The following SLC43A1 variants were observed in gnomAD, a reference collection of about 807,000 sequenced individuals.
The protein encoded by SLC43A1 is solute carrier family 43 member 1, also known as large neutral amino acids transporter small subunit 3.
SLC43A1 carries 31 observed loss-of-function variants against 59.5 expected under a neutral mutation model. That is an observed-to-expected ratio of 0.52 (90% CI 0.39 to 0.70). The LOEUF is 0.70. Ranked by LOEUF, SLC43A1 falls within the 30% of genes least tolerant of loss-of-function variation. The probability of loss-of-function intolerance (pLI) is 0.00; values close to 1 mark genes in which losing one functional copy is unlikely to be tolerated. For missense variants in SLC43A1, 598 were observed against 717.8 expected, an observed-to-expected ratio of 0.83 and a Z score of 1.91; for synonymous variants, 259 against 290.9, an observed-to-expected ratio of 0.89 and a Z score of 1.12.
chr11:57,502,516 C>T (rs980203503), intron 2 of SLC43A1, among the ~76,000 whole-genome samples: 2 of 152,134 alleles, frequency 1.3e-5, no homozygotes, highest in African/African-American at 2.4e-5. Flanking sequence ...ACTCTAGGAG[C>T]TGGGCATCCA....
chr11:57,487,025 A>G (rs1943751848), intron 14 of SLC43A1, 70 bp downstream of exon 14: 1 of 1,532,116 alleles, frequency 6.5e-7, no homozygotes, highest in Non-Finnish European at 9.0e-7. Flanking sequence ...GGATGGCACC[A>G]CATACAAGGC....
Position 57,513,950 on chromosome 11 carries a change from A to G in SLC43A1, c.154+8T>C. ...CCCCCAGCCCACCCAGCCCATTTTC[A>G]GGCATACCTGGGCACGTGCTGGAAT... is the stretch of plus-strand genomic sequence containing the variant. On this transcript the variant is annotated splice_region_variant and intron_variant, in intron 2 of 14. Coordinates refer to ENST00000278426, the MANE Select transcript of SLC43A1 (RefSeq NM_003627.6). 8 of 1,498,672 alleles carry G rather than the reference A, an allele frequency of 5.3e-6. No individual in the cohort carries two copies. Among genetic ancestry groups the G allele is most frequent in the African/African-American group, 1.5e-5 (1 of 67,522 alleles). The allele number at this position is 1,498,672 out of a possible 1,614,324, so 92.8% of individuals were successfully genotyped here.
Position 57,512,105 on chromosome 11 carries a change from A to G in SLC43A1, c.154+1853T>C, listed in dbSNP as rs555190061. Among the ~76,000 whole-genome samples the G allele has an allele frequency of 4.6e-5, 7 of 152,316 alleles. No individual in the cohort carries two copies. The East Asian group carries it at 7.7e-4, about 17-fold the overall frequency. ...AATAAAGCTGTTTTACATATTTTAC[A>G]TATTTAAAAATGCAGGTGGAGGGAT... On this transcript the variant is annotated intron_variant, in intron 2 of 14. Transcript: ENST00000278426.
chr11:57,508,123 C>T (rs1319620292), intron 2 of SLC43A1, among the ~76,000 whole-genome samples: 12 of 152,014 alleles, frequency 7.9e-5, no homozygotes, highest in East Asian at 1.9e-4. Context: ...ACAAATTAGC[C>T]GGGCATGGTG....
chr11:57,514,253 C>G lies in SLC43A1; in HGVS notation c.-13-129G>C. The stretch of plus-strand genomic sequence containing the variant: ...CCCCTCATGGAGGCCCCATAGAGCC[C>G]TGGGCTTCCCAGCCGGTGCCAAGGA... On this transcript the variant is annotated intron_variant, in intron 1 of 14. Transcript: ENST00000278426. This position sits in a 1 kb window ranked among gnomAD's most constrained non-coding sequence, Gnocchi z 5.5. 8.7e-7 allele frequency: 1 copy of G among 1,143,758 alleles called. No individual in the cohort carries two copies. Among genetic ancestry groups the G allele is most frequent in the Non-Finnish European group, 1.2e-6 (1 of 834,870 alleles). The allele number at this position is 1,143,758 out of a possible 1,614,324, so 70.9% of individuals were successfully genotyped here.
At chr11:57,508,566 G>A (rs1944448967) in intron 2 of SLC43A1, among the ~76,000 whole-genome samples, 1 of 152,188 alleles carries the variant, frequency 6.6e-6, no homozygotes, top group East Asian at 1.9e-4. Context: ...TCCCTTGAAG[G>A]GAAGAGAGGT....
In SLC43A1 at chr11:57,491,755, T is replaced by C. The variant is rs376891589; in HGVS notation, c.979A>G (p.Lys327Glu). The C allele has an allele frequency of 6.2e-7, 1 of 1,614,096 alleles. No homozygotes were observed. The highest frequency in any genetic ancestry group is 1.3e-5 in the African/African-American group (1 of 74,934). Residue 327 changes from lysine (K) to glutamate (E), a missense_variant, in exon 9 of 15, where the codon AAG becomes GAG. Coordinates refer to ENST00000278426, the MANE Select transcript of SLC43A1 (RefSeq NM_003627.6). ...CCAGTCACAAGGTACTCCAGCATCTTGTTCACAGCAGCCATGTAGAAGATG... is the reference window on the plus strand; with the variant it reads ...CCAGTCACAAGGTACTCCAGCATCTCGTTCACAGCAGCCATGTAGAAGATG... Reference protein sequence around the residue: ...RIIFYMAAVNKMLEYLVTGGQ... With the variant: ...RIIFYMAAVNEMLEYLVTGGQ...
intron 5 of SLC43A1, chr11:57,499,770 G>A (rs1167831958): frequency 6.6e-6 from 1 of 152,484 alleles, no homozygotes; most frequent in Non-Finnish European, 1.5e-5. Flanking sequence ...ATTACAGGAG[G>A]CGGGGACATA....
At chr11:57,509,594 AAAGGAAGG>A (rs1218558916) in intron 2 of SLC43A1, among the ~76,000 whole-genome samples, 25,420 of 78,388 alleles carry the variant, frequency 0.32, 4,717 homozygotes, top group Non-Finnish European at 0.4. Context: ...TCAGAAGGAC[AAAGGAAGG>A]AAGGAAGGAA....
At chr11:57,487,295 A>G in intron 13 of SLC43A1, 77 bp from the exon 14 acceptor site, 2 of 1,544,054 alleles carry the variant, frequency 1.3e-6, no homozygotes, top group Non-Finnish European at 1.8e-6. Flanking sequence ...TCCCCTCCCC[A>G]CCATGGTCCC....
Position 57,497,749 on chromosome 11 carries a change from A to C in SLC43A1, c.558+4T>G, listed in dbSNP as rs562167576. The C allele has an allele frequency of 1.2e-6, 2 of 1,612,220 alleles. No homozygotes were observed. Among genetic ancestry groups the C allele is most frequent in the South Asian group, 2.2e-5 (2 of 91,000 alleles). ...ACAAAAAGAAAACCCAGGTGGCCTC[A>C]TACCTTGATTCCTGGGAACGTAATG... On this transcript the variant is annotated splice_donor_region_variant and intron_variant, in intron 6 of 14. Coordinates refer to ENST00000278426, the MANE Select transcript of SLC43A1 (RefSeq NM_003627.6).
At chr11:57,487,928 C>A (rs1430317122) in intron 13 of SLC43A1, among the ~76,000 whole-genome samples, 2 of 152,140 alleles carry the variant, frequency 1.3e-5, no homozygotes, top group Admixed American at 6.6e-5. Flanking sequence ...CACTAGGAAG[C>A]ACTGTGGCTG....
chr11:57,500,859 G>T lies in SLC43A1; in HGVS notation c.389-4C>A. On this transcript the variant is annotated splice_polypyrimidine_tract_variant and splice_region_variant and intron_variant, in intron 4 of 14. Coordinates refer to ENST00000278426, the MANE Select transcript of SLC43A1 (RefSeq NM_003627.6). ...AGGAATATCAACGGAGACAGAGCTGGAAAGGGGAAAGCAGCAGATGAGGGC... is the reference window on the plus strand; with the variant it reads ...AGGAATATCAACGGAGACAGAGCTGTAAAGGGGAAAGCAGCAGATGAGGGC... 6.2e-7 allele frequency: 1 copy of T among 1,614,168 alleles called. No homozygotes were observed. Among genetic ancestry groups the T allele is most frequent in the Non-Finnish European group, 8.5e-7 (1 of 1,179,994 alleles).
intron 14 of SLC43A1, among the ~76,000 whole-genome samples, chr11:57,486,075 G>A (rs1490632829): frequency 1.3e-5 from 2 of 152,240 alleles, no homozygotes; most frequent in Non-Finnish European, 2.9e-5. Context: ...TCCCCTTTCA[G>A]GGGTGCTGGA....
chr11:57,490,075 T>G (rs1943855810), intron 11 of SLC43A1, among the ~76,000 whole-genome samples: 1 of 152,164 alleles, frequency 6.6e-6, no homozygotes, highest in African/African-American at 2.4e-5. Context: ...GCCACTGGAT[T>G]TCCTTCTCTC....
chr11:57,502,884 AAAAAGAAAAGAAAAG>A (rs988071111), intron 2 of SLC43A1, among the ~76,000 whole-genome samples: 1 of 151,764 alleles, frequency 6.6e-6, no homozygotes, highest in Non-Finnish European at 1.5e-5. Context: ...AAAAAAAAAA[AAAAAGAAAAGAAAAG>A]AAAAGAAAAA....
intron 2 of SLC43A1, among the ~76,000 whole-genome samples, chr11:57,501,722 C>T (rs898159517): frequency 6.6e-6 from 1 of 152,136 alleles, no homozygotes; most frequent in Non-Finnish European, 1.5e-5. Context: ...TAAAATGGCC[C>T]GGCGTGGTAG....
intron 8 of SLC43A1, among the ~76,000 whole-genome samples, chr11:57,492,735 C>CCAA (rs780608153): frequency 1.2e-5 from 1 of 83,512 alleles, no homozygotes; most frequent in African/African-American, 5.0e-5. Context: ...CTCTATTTTA[C>CCAA]AAAAAAAAAA....
chr11:57,491,322 C>A lies in SLC43A1; in HGVS notation c.1095G>T (p.Leu365Phe), dbSNP rs757923915. The A allele has an allele frequency of 6.2e-7, 1 of 1,610,320 alleles. No homozygotes were observed. Among genetic ancestry groups the A allele is most frequent in the Non-Finnish European group, 8.5e-7 (1 of 1,178,100 alleles). Residue 365 changes from leucine (L) to phenylalanine (F), a missense_variant, in exon 11 of 15, where the codon TTG becomes TTT. Leu to Phe is a conservative substitution (Grantham distance 22). Transcript: ENST00000278426. Reference protein sequence around the residue: ...YSSVFGAMQLLCLLTCPLIGY... With the variant: ...YSSVFGAMQLFCLLTCPLIGY... ...CAATGAGGGGGCAGGTGAGAAGGCA[C>A]AACAGCTGCATGGCCCCGAAGACGG... is the stretch of plus-strand genomic sequence containing the variant.
Sources: gnomAD v4.1 joint callset for allele counts (sites outside exome capture counted in the v4.1 genomes callset) on GRCh38, gnomAD v4.1.1 for gene constraint, Gnocchi (gnomAD v3.1) non-coding constraint, MANE v1.5 for transcripts, NCBI Gene and HGNC (gene_info 2026-07-23, HGNC 2026-07-21) for gene names.